ESRRG: variants seen among roughly 807,000 people sequenced by gnomAD.
ESRRG encodes the protein estrogen-related receptor gamma.
Under a neutral mutation model 44.0 loss-of-function variants are expected in ESRRG, and 13 were observed. The ratio of observed to expected loss-of-function variants is 0.30; its 90% CI spans 0.19 to 0.47. The LOEUF is 0.47. Among genes scored for constraint, ESRRG ranks in the 20% least tolerant of loss-of-function variants. The probability of loss-of-function intolerance (pLI) is 1.00; values close to 1 mark genes in which losing one functional copy is unlikely to be tolerated. For missense variants in ESRRG, 395 were observed against 580.6 expected, an observed-to-expected ratio of 0.68 and a Z score of 3.29; for synonymous variants, 215 against 214.6, an observed-to-expected ratio of 1.00 and a Z score of -0.02.
At chr1:216,983,135 G>T (rs937561569) in intron 1 of ESRRG, among the ~76,000 whole-genome samples, 1 of 149,224 alleles carries the variant, frequency 6.7e-6, no homozygotes, top group Non-Finnish European at 1.5e-5. Flanking sequence ...TTAAATGAAA[G>T]AATTCATTAA....
chr1:216,703,267 T>A (rs569337981), intron 1 of ESRRG, among the ~76,000 whole-genome samples: 44 of 152,270 alleles, frequency 2.9e-4, no homozygotes, highest in Middle Eastern at 3.4e-3. Flanking sequence ...TTGGGCCACA[T>A]ATGAAATACA....
At chr1:217,032,361 G>T (rs866947602) in intron 1 of ESRRG, among the ~76,000 whole-genome samples, 1 of 152,118 alleles carries the variant, frequency 6.6e-6, no homozygotes, top group African/African-American at 2.4e-5. Context: ...AGTAGATAGT[G>T]CATTCTTCCC....
intron 2 of ESRRG, among the ~76,000 whole-genome samples, chr1:216,730,305 T>TAAAAAAAAAAAAAAAAAAAAAAA (rs11445965): frequency 1.6e-5 from 2 of 121,446 alleles, no homozygotes; most frequent in African/African-American, 3.1e-5. Flanking sequence ...CTTAGAAAGG[T>TAAAAAAAAAAAAAAAAAAAAAAA]AAAAAAAAAA....
intron 1 of ESRRG, among the ~76,000 whole-genome samples, chr1:216,709,723 A>G (rs1213854969): frequency 6.6e-6 from 1 of 151,894 alleles, no homozygotes; most frequent in African/African-American, 2.4e-5. Flanking sequence ...GAGTATGTAT[A>G]CTCTCTAATG....
chr1:217,040,900 C>T (rs1008256067), intron 1 of ESRRG, among the ~76,000 whole-genome samples: 1 of 152,206 alleles, frequency 6.6e-6, no homozygotes, highest in South Asian at 2.1e-4. Flanking sequence ...TTTCCTGGAC[C>T]TAAAGGAAAT....
chr1:216,513,728 C>T (rs2043375484), intron 6 of ESRRG, among the ~76,000 whole-genome samples: 1 of 152,070 alleles, frequency 6.6e-6, no homozygotes, highest in African/African-American at 2.4e-5. Flanking sequence ...CCTGCTAGGT[C>T]TTTTCTATTT....
intron 2 of ESRRG, among the ~76,000 whole-genome samples, chr1:216,756,166 G>T (rs1289321763): frequency 1.3e-5 from 2 of 151,956 alleles, no homozygotes; most frequent in East Asian, 3.9e-4. Context: ...TGTGGAAATA[G>T]ATGCAATAAA....
At chr1:216,559,273 C>A (rs1448662696) in intron 5 of ESRRG, among the ~76,000 whole-genome samples, 1 of 152,146 alleles carries the variant, frequency 6.6e-6, no homozygotes, top group Non-Finnish European at 1.5e-5. Context: ...AACTACTTCA[C>A]AGTTCTAAAA....
At chr1:216,680,567 G>C (rs2076865539) in intron 1 of ESRRG, among the ~76,000 whole-genome samples, 1 of 152,216 alleles carries the variant, frequency 6.6e-6, no homozygotes, top group South Asian at 2.1e-4. Flanking sequence ...CCACTGCGCT[G>C]GTTGGCTGGT....
intron 6 of ESRRG, among the ~76,000 whole-genome samples, chr1:216,518,180 A>C (rs1254248370): frequency 6.6e-6 from 1 of 152,094 alleles, no homozygotes; most frequent in Non-Finnish European, 1.5e-5. Flanking sequence ...CCAGCCTGAG[A>C]TTGATCGTCA....
chr1:217,015,508 G>T (rs537200643), intron 1 of ESRRG, among the ~76,000 whole-genome samples: 2 of 152,114 alleles, frequency 1.3e-5, no homozygotes, highest in East Asian at 3.9e-4. Flanking sequence ...TTATAGGGTT[G>T]TTTTTCTCTA....
chr1:216,834,237 C>A (rs1577061555), intron 2 of ESRRG, among the ~76,000 whole-genome samples: 1 of 151,912 alleles, frequency 6.6e-6, no homozygotes, highest in Non-Finnish European at 1.5e-5. Flanking sequence ...TCCATCTCTG[C>A]AAAAAATAAA....
intron 2 of ESRRG, among the ~76,000 whole-genome samples, chr1:216,801,458 T>A (rs1415844531): frequency 6.6e-6 from 1 of 152,190 alleles, no homozygotes; most frequent in Non-Finnish European, 1.5e-5. Context: ...CACTGTCTTA[T>A]TCTTTATCAC....
chr1:216,832,069 G>T (rs1043362633), intron 2 of ESRRG, among the ~76,000 whole-genome samples: 1 of 152,060 alleles, frequency 6.6e-6, no homozygotes, highest in African/African-American at 2.4e-5. Flanking sequence ...TTATACAACT[G>T]GCAATATGCT....
chr1:216,709,704 A>ATCCT (rs2083212025), intron 1 of ESRRG, among the ~76,000 whole-genome samples: 2 of 151,876 alleles, frequency 1.3e-5, no homozygotes, highest in African/African-American at 4.8e-5. Context: ...TAAAAAAAAA[A>ATCCT]ATTGGAGGGA....
intron 2 of ESRRG, among the ~76,000 whole-genome samples, chr1:216,912,270 G>GA (rs2060559991): frequency 8.1e-6 from 1 of 123,388 alleles, no homozygotes. Context: ...GGAGAGGGGA[G>GA]GGGAGGAGAG....
chr1:216,801,667 G>A lies in ESRRG; in HGVS notation c.-13-124176C>T, dbSNP rs192159369. Among the ~76,000 whole-genome samples, 7 of 152,162 alleles carry A rather than the reference G, an allele frequency of 4.6e-5. No homozygotes were observed. The East Asian group carries it at 9.7e-4, about 21-fold the overall frequency. On this transcript the variant is annotated intron_variant, in intron 2 of 7. Coordinates refer to the ESRRG transcript ENST00000359162. ...TGAGATGATATGTCATTGTGGTTTC[G>A]ATTTGCATCTCCCTAATGATTAGTG...
intron 3 of ESRRG, among the ~76,000 whole-genome samples, chr1:216,606,403 T>A (rs1340954701): frequency 6.6e-6 from 1 of 152,264 alleles, no homozygotes; most frequent in Non-Finnish European, 1.5e-5. Flanking sequence ...CACAGTGTAA[T>A]GTGTTTAGTT....
chr1:216,700,641 T>C (rs187503106), intron 1 of ESRRG, among the ~76,000 whole-genome samples: 5 of 152,320 alleles, frequency 3.3e-5, no homozygotes, highest in African/African-American at 1.2e-4. Context: ...ATGGTATTCC[T>C]ATGCATTTCA....
Sources: allele counts gnomAD v4.1 joint callset (sites outside exome capture counted in the v4.1 genomes callset), GRCh38; gene constraint gnomAD v4.1.1; transcripts MANE v1.5; gene names NCBI Gene and HGNC (gene_info 2026-07-23, HGNC 2026-07-21).